LRIT2: variants seen among roughly 807,000 people sequenced by gnomAD.
LRIT2 encodes leucine rich repeat, Ig-like and transmembrane domains 2, also known as leucine-rich repeat, immunoglobulin-like domain and transmembrane domain-containing protein 2.
LRIT2 carries 23 observed loss-of-function variants against 22.4 expected under a neutral mutation model. The ratio of observed to expected loss-of-function variants is 1.03; its 90% CI spans 0.74 to 1.45. The LOEUF (loss-of-function observed/expected upper bound fraction) is 1.45, where lower values mean the gene tolerates loss of function less well. LRIT2 is among the 40% of genes most tolerant of loss of function. The pLI, the probability that LRIT2 is intolerant of heterozygous loss-of-function variation, is 0.00. For missense variants in LRIT2, 784 were observed against 665.6 expected (o/e 1.18, Z -1.96); for synonymous variants, 291 against 267.1 (o/e 1.09, Z -0.87).
At chr10:84,223,344 T>C (rs1034561880) in intron 2 of LRIT2, among the ~76,000 whole-genome samples, 1 of 152,158 alleles carries the variant, frequency 6.6e-6, no homozygotes, top group Non-Finnish European at 1.5e-5. Context: ...ACAGTGATTA[T>C]AGAACACCAC....
rs774295334 is a variant in LRIT2, at chr10:84,222,094, G to A, written c.1479C>T (p.Ser493=). 3.7e-6 allele frequency: 6 copies of A among 1,608,924 alleles called. No individual in the cohort carries two copies. In the South Asian group the frequency reaches 4.4e-5, roughly 12 times the overall value. ...GAAGACAGCCGCGCAGGACCCACTT[G>A]CTGCAGCTGCAGGGGCCCTGGGCTG... ...AWAAQGPCSC[S]KWVLRGCLHR... Residue 493 remains serine, a synonymous_variant, in exon 3 of 3, where the codon AGC becomes AGT. Coordinates refer to ENST00000372113, the MANE Select transcript of LRIT2 (RefSeq NM_001017924.5).
chr10:84,225,103 C>T lies in LRIT2; in HGVS notation c.122G>A (p.Cys41Tyr), dbSNP rs773861494. Residue 41 changes from cysteine (C) to tyrosine (Y), a missense_variant, in exon 2 of 3, where the codon TGC (cysteine) becomes TAC (tyrosine). Physicochemically the swap from Cys to Tyr is radical, Grantham distance 194. Transcript: ENST00000372113. ...GATCTTTCCCAAGGAGACAGATGTG[C>T]ACTGCAGAGTCCTGTACAAGAAACC... is the stretch of plus-strand genomic sequence containing the variant. ...SEESFGRTLQ[C>Y]TSVSLGKIPG... 5 of 1,611,786 alleles carry T rather than the reference C, an allele frequency of 3.1e-6. No homozygotes were observed. In the South Asian group the frequency reaches 4.4e-5, roughly 14 times the overall value.
Position 84,225,062 on chromosome 10 carries a change from C to T in LRIT2, c.163G>A (p.Glu55Lys). 6.2e-7 allele frequency: 1 copy of T among 1,614,056 alleles called. No individual in the cohort carries two copies. Among genetic ancestry groups the T allele is most frequent in the East Asian group, 2.2e-5 (1 of 44,878 alleles). The change falls in exon 2 of 3, where the codon GAA becomes AAA. Residue 55 changes from glutamate (E) to lysine (K), a missense_variant. Glu to Lys is a moderately conservative substitution (Grantham distance 56, BLOSUM62 1). Transcript: ENST00000372113. Reference sequence around the variant, plus strand: ...TCAATTCTCACTTGCTTGAACTCTTCAGAAAGGTTCCCAGGGATCTTTCCC... The same window carrying T: ...TCAATTCTCACTTGCTTGAACTCTTTAGAAAGGTTCCCAGGGATCTTTCCC... ...SLGKIPGNLS[E>K]EFKQVRIENS...
Position 84,224,841 on chromosome 10 carries a change from G to A in LRIT2, c.384C>T (p.Leu128=), listed in dbSNP as rs372822778. ...TGCGTTTGAGATCCAAGACCCTCAG[G>A]AGAGGGGTGGCACGGAACGCTGTCC... ...VPWTAFRATP[L]LRVLDLKRNK... Residue 128 remains leucine (L), a synonymous_variant, in exon 2 of 3, where the codon CTC becomes CTT. Transcript: ENST00000372113. The A allele has an allele frequency of 5.5e-5, 88 of 1,614,026 alleles. No individual in the cohort carries two copies. Among genetic ancestry groups the A allele is most frequent in the Non-Finnish European group, 7.4e-5 (87 of 1,180,048 alleles).
chr10:84,220,761 C>CCT lies in LRIT2; in HGVS notation c.*1158_*1159insAG, dbSNP rs1206805032. The CCT allele has an allele frequency of 1.5e-4, 23 of 152,184 alleles. No individual in the cohort carries two copies. Among genetic ancestry groups the CCT allele is most frequent in the South Asian group, 1.5e-3 (7 of 4,796 alleles). 9.4% of individuals were successfully genotyped at this position (152,184 alleles called of 1,614,324 possible). A position where few individuals can be genotyped will look rare whatever the true frequency, so the allele number is the denominator to read the frequency against. ...CCCAGAGGTGTGAAGTCAAGGAAAG[C>CCT]TCTGTGGAAGACGTAATGTACACAC... is the stretch of plus-strand genomic sequence containing the variant. On this transcript the variant is annotated 3_prime_UTR_variant, in exon 3 of 3. Transcript: ENST00000372113.
Position 84,224,457 on chromosome 10 carries a change from T to G in LRIT2, c.768A>C (p.Ser256=). Residue 256 remains serine (S), a synonymous_variant, in exon 2 of 3, where the codon TCA becomes TCC. Coordinates refer to ENST00000372113, the MANE Select transcript of LRIT2 (RefSeq NM_001017924.5). The stretch of plus-strand genomic sequence containing the variant: ...GGATGGTGATATTGGCACTGGGGGT[T>G]GAGATCTGTGGCTTCATGCAAGCAC... ...ELSACMKPQI[S]TPSANITIRA... The G allele has an allele frequency of 6.2e-7, 1 of 1,614,234 alleles. No individual in the cohort carries two copies. Among genetic ancestry groups the G allele is most frequent in the African/African-American group, 1.3e-5 (1 of 75,062 alleles).
rs565532081 is a variant in LRIT2 at position 84,220,633 on chromosome 10, C to T, written c.*1287G>A. 4.2e-4 allele frequency: 64 copies of T among 152,274 alleles called. No individual in the cohort carries two copies. Among genetic ancestry groups the T allele is most frequent in the African/African-American group, 1.5e-3 (64 of 41,536 alleles). 9.4% of individuals were successfully genotyped at this position (152,274 alleles called of 1,614,324 possible). On this transcript the variant is annotated 3_prime_UTR_variant, in exon 3 of 3. Transcript: ENST00000372113. Reference sequence around the variant, plus strand: ...TGTTAACTAACATTGATTATGAACACAATCCAGGTATTAGACGAGTGCAGT... The same window carrying T: ...TGTTAACTAACATTGATTATGAACATAATCCAGGTATTAGACGAGTGCAGT...
rs1479001809 is a variant in LRIT2 at position 84,224,871 on chromosome 10, T to G, written c.354A>C (p.Val118=). The G allele has an allele frequency of 6.2e-7, 1 of 1,614,038 alleles. No homozygotes were observed. Among genetic ancestry groups the G allele is most frequent in the African/African-American group, 1.3e-5 (1 of 74,914 alleles). ...GGGTGGCACGGAACGCTGTCCATGGTACTGAGCAGAGCTTGTTCCCCTCCA... is the reference window on the plus strand; with the variant it reads ...GGGTGGCACGGAACGCTGTCCATGGGACTGAGCAGAGCTTGTTCCCCTCCA... ...LRLEGNKLCS[V]PWTAFRATPL... is the part of the protein sequence containing the mutation. The change falls in exon 2 of 3, where the codon GTA becomes GTC. Residue 118 remains valine (V), a synonymous_variant. Transcript: ENST00000372113.
chr10:84,225,361 A>G (rs751712966), intron 1 of LRIT2, 50 bp downstream of exon 1: 25 of 1,581,892 alleles, frequency 1.6e-5, no homozygotes, highest in Non-Finnish European at 2.0e-5. Flanking sequence ...ATCATCCCCA[A>G]AGAAAACCCA....
chr10:84,224,196 A>T (rs534450345), intron 2 of LRIT2, 137 bp downstream of exon 2: 1 of 775,894 alleles, frequency 1.3e-6, no homozygotes, highest in East Asian at 2.7e-5. Context: ...TCTAGTGAGC[A>T]TAATTCAGGG....
In LRIT2 at chr10:84,224,967, G is replaced by A. The variant is rs11200928; in HGVS notation, c.258C>T (p.Leu86=). ...INMSTLEYLW[L]NFNNISVIHL... ...GGATCACACTGATATTGTTAAAATT[G>A]AGCCAGAGGTATTCCAAGGTGCTCA... The change falls in exon 2 of 3, where the codon CTC becomes CTT. Residue 86 remains leucine (L), a synonymous_variant. Transcript: ENST00000372113. The A allele has an allele frequency of 0.22, 358,793 of 1,613,762 alleles. 41,905 individuals carry two copies. The highest frequency in any genetic ancestry group is 0.31 in the East Asian group (13,764 of 44,848).
chr10:84,222,286 A>G lies in LRIT2; in HGVS notation c.1287T>C (p.Tyr429=). 1 of 1,614,216 alleles carries G rather than the reference A, an allele frequency of 6.2e-7. No homozygotes were observed. Among genetic ancestry groups the G allele is most frequent in the Non-Finnish European group, 8.5e-7 (1 of 1,180,038 alleles). The change falls in exon 3 of 3, where the codon TAT becomes TAC. Residue 429 remains tyrosine (Y), a synonymous_variant. Coordinates refer to ENST00000372113, the MANE Select transcript of LRIT2 (RefSeq NM_001017924.5). ...AVDDLLPGTK[Y]EACLSLEGQP... ...GGCCCTCTAGGCTGAGGCAGGCCTC[A>G]TATTTTGTGCCAGGAAGGAGGTCAT... is the stretch of plus-strand genomic sequence containing the variant.
Position 84,222,633 on chromosome 10 carries a change from T to G in LRIT2, c.940A>C (p.Ile314Leu), listed in dbSNP as rs1429383579. The G allele has an allele frequency of 1.9e-6, 3 of 1,614,134 alleles. No individual in the cohort carries two copies. Among genetic ancestry groups the G allele is most frequent in the Non-Finnish European group, 2.5e-6 (3 of 1,180,034 alleles). Residue 314 changes from isoleucine to leucine, a missense_variant, in exon 3 of 3, where the codon ATA becomes CTA. Physicochemically the swap from Ile to Leu is conservative, Grantham distance 5. Coordinates refer to ENST00000372113, the MANE Select transcript of LRIT2 (RefSeq NM_001017924.5). ...CTGTCTACCAGGTGGGCAGCAGGTA[T>G]GGCCAGCTCTGACAGAGCAGTGTCT... ...GEDTALSELAIPAAHLVDSGN... is the reference protein window; with the variant it reads ...GEDTALSELALPAAHLVDSGN...
rs1564671363 is a variant in LRIT2, at chr10:84,222,428, C to G, written c.1145G>C (p.Trp382Ser). 6 of 1,614,124 alleles carry G rather than the reference C, an allele frequency of 3.7e-6. No homozygotes were observed. The highest frequency in any genetic ancestry group is 3.4e-6 in the Non-Finnish European group (4 of 1,180,032). The change falls in exon 3 of 3, where the codon TGG (tryptophan) becomes TCG (serine). Residue 382 changes from tryptophan (W) to serine (S), a missense_variant. Coordinates refer to ENST00000372113, the MANE Select transcript of LRIT2 (RefSeq NM_001017924.5). Reference sequence around the variant, plus strand: ...CTTAGAGGTGTCAGCCACTGCAAGCCACTCCAGCAAAATCCCATGCACTGT... The same window carrying G: ...CTTAGAGGTGTCAGCCACTGCAAGCGACTCCAGCAAAATCCCATGCACTGT... ...KQTVHGILLE[W>S]LAVADTSKEE...
At chr10:84,225,198 G>T (rs374002461) in intron 1 of LRIT2, 84 bp from the exon 2 acceptor site, 1 of 1,314,296 alleles carries the variant, frequency 7.6e-7, no homozygotes, top group South Asian at 1.4e-5. Context: ...TTAGACATGT[G>T]AATCAGAATA....
At position 84,222,618 on chromosome 10, in the gene LRIT2, G is replaced by T; in HGVS notation, c.955C>A (p.Leu319Met). ...CAGGTGTAATTACCACTGTCTACCA[G>T]GTGGGCAGCAGGTATGGCCAGCTCT... ...LSELAIPAAH[L>M]VDSGNYTCMA... Residue 319 changes from leucine to methionine, a missense_variant, in exon 3 of 3, where the codon CTG (leucine) becomes ATG (methionine). Physicochemically the swap from Leu to Met is conservative, Grantham distance 15. Coordinates refer to ENST00000372113, the MANE Select transcript of LRIT2 (RefSeq NM_001017924.5). 1 of 1,614,112 alleles carries T rather than the reference G, an allele frequency of 6.2e-7. No individual in the cohort carries two copies.
chr10:84,222,372 C>T lies in LRIT2; in HGVS notation c.1201G>A (p.Asp401Asn). ...EEWFTLYIAS[D>N]EAFRKEVVHI... Reference sequence around the variant, plus strand: ...ACCACCTCCTTCCTGAAGGCTTCATCCGATGCAATGTAGAGGGTGAACCAC... The same window carrying T: ...ACCACCTCCTTCCTGAAGGCTTCATTCGATGCAATGTAGAGGGTGAACCAC... Residue 401 changes from aspartate (D) to asparagine (N), a missense_variant, in exon 3 of 3, where the codon GAT becomes AAT. Coordinates refer to ENST00000372113, the MANE Select transcript of LRIT2 (RefSeq NM_001017924.5). The T allele has an allele frequency of 6.2e-7, 1 of 1,614,172 alleles. No individual in the cohort carries two copies. The highest frequency in any genetic ancestry group is 8.5e-7 in the Non-Finnish European group (1 of 1,180,044).
At position 84,221,898 on chromosome 10, in the gene LRIT2, T is replaced by A. The variant is rs565926563; in HGVS notation, c.*22A>T. On this transcript the variant is annotated 3_prime_UTR_variant, in exon 3 of 3. Coordinates refer to ENST00000372113, the MANE Select transcript of LRIT2 (RefSeq NM_001017924.5). ...TCAGAGGCTTGAAGCCCAAGCCGTT[T>A]CCACCCCATGGCCTGGGTTGTTCAG... is the stretch of plus-strand genomic sequence containing the variant. 5 of 1,511,256 alleles carry A rather than the reference T, an allele frequency of 3.3e-6. No individual in the cohort carries two copies. Among genetic ancestry groups the A allele is most frequent in the South Asian group, 1.4e-5 (1 of 73,826 alleles). 93.6% of individuals were successfully genotyped at this position (1,511,256 alleles called of 1,614,324 possible).
rs769873761 is a variant in LRIT2 at position 84,224,436 on chromosome 10, G to A, written c.789C>T (p.Thr263=). ...GGGTCACATTCTGTCCTGCCCGGAT[G>A]GTGATATTGGCACTGGGGGTTGAGA... ...PQISTPSANI[T]IRAGQNVTLR... is the part of the protein sequence containing the mutation. The change falls in exon 2 of 3, where the codon ACC becomes ACT. Residue 263 remains threonine (T), a synonymous_variant. Transcript: ENST00000372113. 4 of 1,614,276 alleles carry A rather than the reference G, an allele frequency of 2.5e-6. No homozygotes were observed. Among genetic ancestry groups the A allele is most frequent in the Non-Finnish European group, 3.4e-6 (4 of 1,180,050 alleles).
Sources: allele counts gnomAD v4.1 joint callset (sites outside exome capture counted in the v4.1 genomes callset), GRCh38; gene constraint gnomAD v4.1.1; transcripts MANE v1.5; gene names NCBI Gene and HGNC (gene_info 2026-07-23, HGNC 2026-07-21).